DYM: variants seen among roughly 807,000 people sequenced by gnomAD.
DYM encodes dymeclin.
DYM carries 78 observed loss-of-function variants against 93.1 expected under a neutral mutation model. The ratio of observed to expected loss-of-function variants is 0.84; its 90% CI spans 0.70 to 1.01. The LOEUF is 1.01. Among genes scored for constraint, DYM ranks in the 50% least tolerant of loss-of-function variants. DYM has a pLI of 0.00. For missense variants in DYM, 789 were observed against 845.0 expected (o/e 0.93, Z 0.82); for synonymous variants, 321 against 319.7 (o/e 1.00, Z -0.04).
At chr18:49,175,816 C>T (rs2089309821) in intron 14 of DYM, among the ~76,000 whole-genome samples, 1 of 152,082 alleles carries the variant, frequency 6.6e-6, no homozygotes, top group South Asian at 2.1e-4. Context: ...TCATCTTCTT[C>T]AAAAACTCTA....
rs932617888 is a variant in DYM, at chr18:49,318,797, CTTT to C, written c.763+13064_763+13066del. Among the ~76,000 whole-genome samples, 13 of 114,358 alleles carry C rather than the reference CTTT, an allele frequency of 1.1e-4. No individual in the cohort carries two copies. The East Asian group carries it at 1.6e-3, about 14-fold the overall frequency. 75.0% of individuals were successfully genotyped at this position (114,358 alleles called of 152,430 possible). A position where few individuals can be genotyped will look rare whatever the true frequency, so the allele number is the denominator to read the frequency against. Reference sequence around the variant, plus strand: ...TGAACAGGTAACATTATTTCTTTTTCTTTTTTTTTTTTTTTTTTTTTGAGACAG... The same window carrying C: ...TGAACAGGTAACATTATTTCTTTTTCTTTTTTTTTTTTTTTTTTGAGACAG... On this transcript the variant is annotated intron_variant, in intron 8 of 17. Transcript: ENST00000675505.
chr18:49,349,336 ATAAAT>A (rs887772323), intron 6 of DYM, among the ~76,000 whole-genome samples: 34 of 152,286 alleles, frequency 2.2e-4, no homozygotes, highest in African/African-American at 6.7e-4. Context: ...TTTTCTTGAA[ATAAAT>A]TAAAGTTCAA....
intron 5 of DYM, among the ~76,000 whole-genome samples, chr18:49,372,046 G>T (rs2147543314): frequency 6.6e-6 from 1 of 152,296 alleles, no homozygotes; most frequent in African/African-American, 2.4e-5. Context: ...TGCCTCAGTT[G>T]ACTTTGCTCA....
intron 14 of DYM, among the ~76,000 whole-genome samples, chr18:49,186,729 T>A (rs1004609501): frequency 1.2e-4 from 18 of 152,118 alleles, no homozygotes; most frequent in African/African-American, 4.1e-4. Flanking sequence ...TAACAAACTT[T>A]ACAATGTAAA....
At chr18:49,279,974 C>A (rs527853536) in intron 10 of DYM, among the ~76,000 whole-genome samples, 7 of 152,108 alleles carry the variant, frequency 4.6e-5, no homozygotes, top group East Asian at 3.8e-4. Context: ...AAAATGGTAA[C>A]CAAATACTGG....
intron 11 of DYM, among the ~76,000 whole-genome samples, chr18:49,258,839 C>G (rs865981524): frequency 0.01 from 1,151 of 113,676 alleles, 9 homozygotes; most frequent in South Asian, 0.022. Context: ...CACACACACA[C>G]AGAGAGAGAG....
intron 8 of DYM, among the ~76,000 whole-genome samples, chr18:49,328,282 G>A (rs143881538): frequency 7.2e-4 from 110 of 152,258 alleles, no homozygotes; most frequent in African/African-American, 2.6e-3. Context: ...GTGGTAAAGC[G>A]TTAGAGGAAA....
intron 17 of DYM, among the ~76,000 whole-genome samples, chr18:49,081,128 G>A (rs2077962158): frequency 6.6e-6 from 1 of 150,428 alleles, no homozygotes; most frequent in Non-Finnish European, 1.5e-5. Context: ...CTGCAATCTC[G>A]GCACTTTGGG....
intron 14 of DYM, among the ~76,000 whole-genome samples, chr18:49,199,289 A>G (rs543917888): frequency 6.6e-6 from 1 of 152,332 alleles, no homozygotes; most frequent in South Asian, 2.1e-4. Context: ...ATGACAAGTT[A>G]ATGGGTGCAG....
intron 10 of DYM, among the ~76,000 whole-genome samples, chr18:49,275,655 T>A (rs142391222): frequency 6.6e-6 from 1 of 152,034 alleles, no homozygotes; most frequent in East Asian, 1.9e-4. Context: ...TGTGGGAGGA[T>A]TGCTTGAGGC....
At chr18:49,306,219 T>C (rs1363796903) in intron 8 of DYM, among the ~76,000 whole-genome samples, 2 of 152,140 alleles carry the variant, frequency 1.3e-5, no homozygotes, top group South Asian at 2.1e-4. Flanking sequence ...GAAAGGTGAA[T>C]AGCAGAGACA....
intron 8 of DYM, among the ~76,000 whole-genome samples, chr18:49,295,463 T>C (rs1425170512): frequency 6.6e-6 from 1 of 152,192 alleles, no homozygotes; most frequent in Non-Finnish European, 1.5e-5. Context: ...AAGGAAGCTA[T>C]TTTCTCCTCA....
intron 4 of DYM, among the ~76,000 whole-genome samples, chr18:49,379,004 G>T (rs939604322): frequency 1.5e-4 from 23 of 152,060 alleles, no homozygotes; most frequent in Non-Finnish European, 4.4e-5. Flanking sequence ...GCGATTAAAA[G>T]AGAAGAAAGC....
intron 14 of DYM, among the ~76,000 whole-genome samples, chr18:49,175,722 T>C (rs558405508): frequency 5.9e-5 from 9 of 152,294 alleles, no homozygotes; most frequent in African/African-American, 2.2e-4. Context: ...ACAACAGATG[T>C]GTCCATCAGT....
intron 17 of DYM, among the ~76,000 whole-genome samples, chr18:49,080,160 C>G (rs1330950847): frequency 3.5e-5 from 1 of 28,826 alleles, no homozygotes. Flanking sequence ...CGGGGGGGGG[C>G]TGACCCCCCC....
In DYM at chr18:49,310,732, T is replaced by C. The variant is rs188263598; in HGVS notation, c.763+21132A>G. ...AGTACCTTGTTAATTCAATACACTA[T>C]AGAAAATGTTGCCTTTACATTAAAA... On this transcript the variant is annotated intron_variant, in intron 8 of 17. Coordinates refer to ENST00000675505, the MANE Select transcript of DYM (RefSeq NM_001353214.3). Among the ~76,000 whole-genome samples, 3 of 152,288 alleles carry C rather than the reference T, an allele frequency of 2.0e-5. No individual in the cohort carries two copies. The East Asian group carries it at 5.8e-4, about 29-fold the overall frequency.
chr18:49,311,429 G>T (rs1292268665), intron 8 of DYM, among the ~76,000 whole-genome samples: 1 of 152,132 alleles, frequency 6.6e-6, no homozygotes, highest in Non-Finnish European at 1.5e-5. Flanking sequence ...TCACATAAAA[G>T]ATGTTTATTG....
chr18:49,068,958 A>C (rs2076677682), intron 17 of DYM, among the ~76,000 whole-genome samples: 1 of 152,244 alleles, frequency 6.6e-6, no homozygotes, highest in South Asian at 2.1e-4. Flanking sequence ...TACAATGTCA[A>C]GTTTTCAGTT....
intron 14 of DYM, among the ~76,000 whole-genome samples, chr18:49,197,765 T>A (rs536825112): frequency 5.8e-4 from 89 of 152,276 alleles, no homozygotes; most frequent in African/African-American, 2.1e-3. Context: ...TCCATGCTCA[T>A]GGGTAGGAAG....
Sources: allele counts gnomAD v4.1 joint callset (sites outside exome capture counted in the v4.1 genomes callset), GRCh38; gene constraint gnomAD v4.1.1; transcripts MANE v1.5; gene names NCBI Gene and HGNC (gene_info 2026-07-23, HGNC 2026-07-21).